EPHA6: variants seen among roughly 807,000 people sequenced by gnomAD.
EPHA6 encodes ephrin type-A receptor 6.
Under a neutral mutation model 112.0 loss-of-function variants are expected in EPHA6, and 50 were observed. The ratio of observed to expected loss-of-function variants is 0.45; its 90% CI spans 0.36 to 0.56. The LOEUF is 0.56. EPHA6 is among the 20% of genes least tolerant of loss of function. EPHA6 has a pLI of 0.00. For synonymous variants in EPHA6, 529 were observed against 490.7 expected, an observed-to-expected ratio of 1.08 and a Z score of -1.03; for missense variants, 1,280 against 1,417.4, an observed-to-expected ratio of 0.90 and a Z score of 1.56.
intron 11 of EPHA6, among the ~76,000 whole-genome samples, chr3:97,580,770 T>C (rs2093429981): frequency 6.6e-6 from 1 of 152,152 alleles, no homozygotes; most frequent in East Asian, 1.9e-4. Context: ...GACTTGAGAA[T>C]TAGGTGAATA....
At chr3:97,519,593 G>A (rs578249965) in intron 10 of EPHA6, among the ~76,000 whole-genome samples, 1 of 152,192 alleles carries the variant, frequency 6.6e-6, no homozygotes, top group East Asian at 1.9e-4. Context: ...AACAATATTA[G>A]TCATTACAAT....
Position 97,571,369 on chromosome 3 carries a change from T to G in EPHA6, c.2387-21243T>G, listed in dbSNP as rs558007478. ...CAAAGAAGATTCAGGAGAAAAACCC[T>G]CCTTAAAAAAAAAAAAAGTTTTAAA... is the stretch of plus-strand genomic sequence containing the variant. On this transcript the variant is annotated intron_variant, in intron 11 of 17. Transcript: ENST00000389672. Among the ~76,000 whole-genome samples the G allele has an allele frequency of 4.7e-5, 7 of 150,418 alleles. No homozygotes were observed. In the East Asian group the frequency reaches 1.4e-3, roughly 29 times the overall value.
At chr3:97,103,656 TTTG>T (rs1303923758) in intron 3 of EPHA6, among the ~76,000 whole-genome samples, 1 of 152,086 alleles carries the variant, frequency 6.6e-6, no homozygotes, top group Non-Finnish European at 1.5e-5. Flanking sequence ...TTAAAATAGT[TTTG>T]TTGTTGTTAT....
At chr3:97,633,312 A>G (rs1172543118) in intron 13 of EPHA6, among the ~76,000 whole-genome samples, 2 of 152,046 alleles carry the variant, frequency 1.3e-5, no homozygotes, top group Non-Finnish European at 2.9e-5. Context: ...ATGAAGACAA[A>G]CTGAATTCCA....
chr3:97,001,160 T>G (rs2043649694), intron 3 of EPHA6, among the ~76,000 whole-genome samples: 2 of 151,696 alleles, frequency 1.3e-5, no homozygotes, highest in Admixed American at 6.6e-5. Flanking sequence ...TAAATAGTAT[T>G]CAACTATTTT....
At chr3:97,528,040 G>A (rs1161659091) in intron 10 of EPHA6, among the ~76,000 whole-genome samples, 1 of 151,906 alleles carries the variant, frequency 6.6e-6, no homozygotes, top group Non-Finnish European at 1.5e-5. Flanking sequence ...AGAAAGGGAA[G>A]GAAAGATATG....
intron 13 of EPHA6, among the ~76,000 whole-genome samples, chr3:97,613,558 A>G (rs560309289): frequency 6.6e-6 from 1 of 152,136 alleles, no homozygotes; most frequent in South Asian, 2.1e-4. Flanking sequence ...GGATTCATCA[A>G]TCTCATACCA....
intron 15 of EPHA6, among the ~76,000 whole-genome samples, chr3:97,726,727 A>C (rs376769245): frequency 1.3e-4 from 20 of 152,158 alleles, no homozygotes; most frequent in African/African-American, 4.8e-4. Flanking sequence ...TACATAATGG[A>C]AGTGTATTGT....
At chr3:97,594,837 A>G (rs2093574043) in intron 12 of EPHA6, among the ~76,000 whole-genome samples, 1 of 152,122 alleles carries the variant, frequency 6.6e-6, no homozygotes, top group Non-Finnish European at 1.5e-5. Context: ...CACTTTAAAC[A>G]CTCAGCTGAA....
intron 14 of EPHA6, among the ~76,000 whole-genome samples, chr3:97,691,220 C>A (rs539856205): frequency 6.6e-6 from 1 of 152,294 alleles, no homozygotes; most frequent in Non-Finnish European, 1.5e-5. Flanking sequence ...ATTATCTTGG[C>A]CCCTTTGTCT....
chr3:97,683,315 A>G (rs1468605456), intron 14 of EPHA6, among the ~76,000 whole-genome samples: 3 of 152,142 alleles, frequency 2.0e-5, no homozygotes, highest in South Asian at 2.1e-4. Flanking sequence ...TGTCTGCCTT[A>G]TATCATTACA....
intron 3 of EPHA6, among the ~76,000 whole-genome samples, chr3:97,110,137 T>A (rs1299123939): frequency 6.6e-6 from 1 of 152,200 alleles, no homozygotes; most frequent in Non-Finnish European, 1.5e-5. Flanking sequence ...TTCATTGCAT[T>A]TTAACACCAT....
chr3:97,099,693 A>G (rs1041680405), intron 3 of EPHA6, among the ~76,000 whole-genome samples: 1 of 151,926 alleles, frequency 6.6e-6, no homozygotes, highest in African/African-American at 2.4e-5. Flanking sequence ...CTTCCTGATT[A>G]TCTGCCAAGC....
chr3:97,307,784 G>A (rs2081381886), intron 5 of EPHA6, among the ~76,000 whole-genome samples: 2 of 151,316 alleles, frequency 1.3e-5, no homozygotes, highest in South Asian at 4.2e-4. Flanking sequence ...GTGTTAAATG[G>A]CATGCTTGAA....
intron 2 of EPHA6, among the ~76,000 whole-genome samples, chr3:96,979,715 G>A (rs1344190348): frequency 6.6e-6 from 1 of 152,134 alleles, no homozygotes; most frequent in Non-Finnish European, 1.5e-5. Context: ...AGCACCTGTT[G>A]TTTCCTGACT....
chr3:97,142,112 A>G lies in EPHA6; in HGVS notation c.1115-84152A>G, dbSNP rs555273182. On this transcript the variant is annotated intron_variant, in intron 3 of 17. Transcript: ENST00000389672. The stretch of plus-strand genomic sequence containing the variant: ...CTTGATGGCTAAAAAGTCAAATCCT[A>G]GAAAACAGCATTCCTTTCCGTGATG... Among the ~76,000 whole-genome samples, 42 of 152,144 alleles carry G rather than the reference A, an allele frequency of 2.8e-4. 1 individual carries two copies. The highest frequency in any genetic ancestry group is 7.0e-4 in the African/African-American group (29 of 41,570).
At chr3:97,095,767 A>G (rs571759429) in intron 3 of EPHA6, among the ~76,000 whole-genome samples, 5 of 131,544 alleles carry the variant, frequency 3.8e-5, no homozygotes, top group African/African-American at 7.4e-5. Context: ...GTTAAAAAAT[A>G]AAAAAAAAAA....
At chr3:97,010,772 C>T (rs2044057586) in intron 3 of EPHA6, among the ~76,000 whole-genome samples, 1 of 152,126 alleles carries the variant, frequency 6.6e-6, no homozygotes, top group Non-Finnish European at 1.5e-5. Context: ...GATTCTTGTG[C>T]CTCAGCCTCC....
intron 3 of EPHA6, among the ~76,000 whole-genome samples, chr3:97,114,183 G>A (rs185902197): frequency 3.2e-4 from 49 of 152,148 alleles, no homozygotes; most frequent in Non-Finnish European, 4.7e-4. Flanking sequence ...CAATCATGCC[G>A]TTTTAAATGC....
Sources: allele counts gnomAD v4.1 joint callset (sites outside exome capture counted in the v4.1 genomes callset), GRCh38; gene constraint gnomAD v4.1.1; transcripts MANE v1.5; gene names NCBI Gene and HGNC (gene_info 2026-07-23, HGNC 2026-07-21).